Variants in CHCHD2 observed in about 807,000 individuals in gnomAD.
CHCHD2 encodes the protein coiled-coil-helix-coiled-coil-helix domain containing 2, also known as coiled-coil-helix-coiled-coil-helix domain-containing protein 2.
In CHCHD2, 17 loss-of-function variants were observed where a neutral mutation model predicts 17.5. The observed-to-expected ratio is 0.97, with a 90% CI of 0.67 to 1.46. The LOEUF (loss-of-function observed/expected upper bound fraction) is 1.46, where lower values mean the gene tolerates loss of function less well. Ranked by LOEUF, CHCHD2 falls within the 40% of genes most tolerant of loss-of-function variation. The pLI is 0.00. For synonymous variants in CHCHD2, 63 were observed against 74.3 expected (o/e 0.85, Z 0.78); for missense variants, 175 against 199.9 (o/e 0.88, Z 0.75).
intron 2 of CHCHD2, among the ~76,000 whole-genome samples, chr7:56,103,213 C>T (rs761545373): frequency 6.6e-6 from 1 of 152,174 alleles, no homozygotes; most frequent in Non-Finnish European, 1.5e-5. Flanking sequence ...AACATGGTGG[C>T]TCACGCCTGT....
chr7:56,102,337 A>T (rs1785299813), intron 3 of CHCHD2, among the ~76,000 whole-genome samples: 2 of 146,410 alleles, frequency 1.4e-5, no homozygotes, highest in South Asian at 2.2e-4. Flanking sequence ...TGGCATACTG[A>T]TTTATACCTT....
rs750014782 is a variant in CHCHD2 at position 56,104,221 on chromosome 7, C to T, written c.300+5G>A. 7.4e-6 allele frequency: 12 copies of T among 1,611,722 alleles called. No homozygotes were observed. The East Asian group carries it at 2.5e-4, about 33-fold the overall frequency. On this transcript the variant is annotated splice_donor_5th_base_variant and intron_variant, in intron 2 of 3. Transcript: ENST00000395422. Reference sequence around the variant, plus strand: ...ATGGAAGGGAAATGCTGCCTAAATTCCCACCTGGTAAGTGATGTCAGGCCT... The same window carrying T: ...ATGGAAGGGAAATGCTGCCTAAATTTCCACCTGGTAAGTGATGTCAGGCCT...
Position 56,106,382 on chromosome 7 carries a change from C to A in CHCHD2, c.32G>T (p.Arg11Leu), listed in dbSNP as rs373956381. ...GTCTCACCTGGCCGGAGGGGCCATG[C>A]GGGAGGTGCGGCTTCGGCTTCCACG... MPRGSRSRTS[R>L]MAPPASRAPQ... The change falls in exon 1 of 4, where the codon CGC (arginine) becomes CTC (leucine). Residue 11 changes from arginine (R) to leucine (L), a missense_variant. By Grantham distance (102) the Arg-to-Leu change is moderately radical. Transcript: ENST00000395422. The A allele has an allele frequency of 9.3e-6, 15 of 1,613,274 alleles. No individual in the cohort carries two copies. The African/African-American group carries it at 1.5e-4, about 16-fold the overall frequency.
Position 56,104,267 on chromosome 7 carries a change from C to G in CHCHD2, c.259G>C (p.Gly87Arg). 6.2e-7 allele frequency: 1 copy of G among 1,613,762 alleles called. No individual in the cohort carries two copies. Among genetic ancestry groups the G allele is most frequent in the Non-Finnish European group, 8.5e-7 (1 of 1,179,668 alleles). Residue 87 changes from glycine (G) to arginine (R), a missense_variant, in exon 2 of 4, where the codon GGA (glycine) becomes CGA (arginine). Transcript: ENST00000395422. ...GHAITGGFSG[G>R]SNAEPARPDI... is the part of the protein sequence containing the mutation. ...GGCCTCGCAGGCTCAGCATTACTTC[C>G]TCCACTGAAGCCCCCAGTAATGGCG...
intron 2 of CHCHD2, among the ~76,000 whole-genome samples, 173 bp downstream of exon 2, chr7:56,104,053 T>C (rs1785335211): frequency 6.6e-6 from 1 of 152,238 alleles, no homozygotes; most frequent in Non-Finnish European, 1.5e-5. Flanking sequence ...TACTTGTTGG[T>C]GCTGGCCTAA....
rs201974351 is a variant in CHCHD2, at chr7:56,106,348, C to G, written c.50+16G>C. On this transcript the variant is annotated intron_variant, in intron 1 of 3. Transcript: ENST00000395422. The stretch of plus-strand genomic sequence containing the variant: ...GGACGGCCGCGCTTTGGTCTCAAAC[C>G]CTGCGATGGTCTCACCTGGCCGGAG... The G allele has an allele frequency of 5.0e-6, 8 of 1,612,538 alleles. No homozygotes were observed. The Admixed American group carries it at 1.0e-4, about 20-fold the overall frequency.
chr7:56,102,826 C>G (rs981607977), intron 3 of CHCHD2, 41 bp downstream of exon 3: 1 of 1,605,464 alleles, frequency 6.2e-7, no homozygotes, highest in South Asian at 1.1e-5. Context: ...CCAGGAATTC[C>G]ACTGTGAATT....
Position 56,104,408 on chromosome 7 carries a change from G to A in CHCHD2, c.118C>T (p.Pro40Ser). The change falls in exon 2 of 4, where the codon CCA (proline) becomes TCA (serine). Residue 40 changes from proline to serine, a missense_variant. By Grantham distance (74) the Pro-to-Ser change is moderately conservative (BLOSUM62 -1). Transcript: ENST00000395422. ...PVAQPPAAAP[P>S]SAVGSSAAAP... Reference sequence around the variant, plus strand: ...GCAGCAGAAGAGCCAACTGCAGATGGGGGTGCCGCTGCTGGTGGCTGAGCG... The same window carrying A: ...GCAGCAGAAGAGCCAACTGCAGATGAGGGTGCCGCTGCTGGTGGCTGAGCG... The A allele has an allele frequency of 6.2e-7, 1 of 1,610,858 alleles. No individual in the cohort carries two copies. Among genetic ancestry groups the A allele is most frequent in the Non-Finnish European group, 8.5e-7 (1 of 1,178,962 alleles).
At chr7:56,106,306 T>C (rs943140091) in intron 1 of CHCHD2, 58 bp downstream of exon 1, 2 of 1,537,818 alleles carry the variant, frequency 1.3e-6, no homozygotes, top group African/African-American at 2.8e-5. Context: ...CTCTGCGTCA[T>C]TGCCCCAGTA....
rs780978381 is a variant in CHCHD2 at position 56,106,446 on chromosome 7, G to T, written c.-33C>A. Reference sequence around the variant, plus strand: ...AAGCGACGGCTAGGCCTCCGGACGTGGGACAACCACCGAAGAGCTAAGCGA... The same window carrying T: ...AAGCGACGGCTAGGCCTCCGGACGTTGGACAACCACCGAAGAGCTAAGCGA... On this transcript the variant is annotated 5_prime_UTR_variant, in exon 1 of 4. Coordinates refer to ENST00000395422, the MANE Select transcript of CHCHD2 (RefSeq NM_016139.4). 10 of 1,611,116 alleles carry T rather than the reference G, an allele frequency of 6.2e-6. No individual in the cohort carries two copies. Among genetic ancestry groups the T allele is most frequent in the Non-Finnish European group, 8.5e-6 (10 of 1,177,702 alleles).
At chr7:56,102,706 TA>T in intron 3 of CHCHD2, 160 bp downstream of exon 3, 1 of 731,506 alleles carries the variant, frequency 1.4e-6, no homozygotes, top group Non-Finnish European at 2.2e-6. Context: ...AAATTACTCA[TA>T]AAAATGACTA....
intron 2 of CHCHD2, among the ~76,000 whole-genome samples, chr7:56,103,879 AACAC>A (rs1430497405): frequency 9.9e-5 from 15 of 152,250 alleles, no homozygotes; most frequent in Admixed American, 9.8e-4. Context: ...CACGTAAAAG[AACAC>A]ACAGCTATGC....
Position 56,104,294 on chromosome 7 carries a change from G to A in CHCHD2, c.232C>T (p.His78Tyr). Reference sequence around the variant, plus strand: ...CCACTGAAGCCCCCAGTAATGGCGTGACCCAATGTGTGCCCCACAGCAGAG... The same window carrying A: ...CCACTGAAGCCCCCAGTAATGGCGTAACCCAATGTGTGCCCCACAGCAGAG... Reference protein sequence around the residue: ...VGSAVGHTLGHAITGGFSGGS... With the variant: ...VGSAVGHTLGYAITGGFSGGS... The change falls in exon 2 of 4, where the codon CAC becomes TAC. Residue 78 changes from histidine to tyrosine, a missense_variant. By Grantham distance (83) the His-to-Tyr change is moderately conservative. Coordinates refer to ENST00000395422, the MANE Select transcript of CHCHD2 (RefSeq NM_016139.4). 6.2e-7 allele frequency: 1 copy of A among 1,613,880 alleles called. No individual in the cohort carries two copies. Among genetic ancestry groups the A allele is most frequent in the Non-Finnish European group, 8.5e-7 (1 of 1,179,784 alleles).
intron 2 of CHCHD2, among the ~76,000 whole-genome samples, chr7:56,103,997 G>C (rs1483368431): frequency 6.6e-6 from 1 of 152,176 alleles, no homozygotes; most frequent in African/African-American, 2.4e-5. Flanking sequence ...TGAGTCAAGT[G>C]GACTGTTGTA....
chr7:56,101,802 AC>A lies in CHCHD2; in HGVS notation c.*48del. 1 of 1,552,100 alleles carries A rather than the reference AC, an allele frequency of 6.4e-7. No individual in the cohort carries two copies. The highest frequency in any genetic ancestry group is 1.1e-5 in the South Asian group (1 of 88,164). ...TCAATTCTATTTTTATACTAAATTA[AC>A]TTAGTTATGAGAGCTGATTTTCCAT... On this transcript the variant is annotated 3_prime_UTR_variant, in exon 4 of 4. Coordinates refer to ENST00000395422, the MANE Select transcript of CHCHD2 (RefSeq NM_016139.4).
chr7:56,104,160 C>T (rs1785337509), intron 2 of CHCHD2, 66 bp downstream of exon 2: 1 of 1,587,126 alleles, frequency 6.3e-7, no homozygotes, highest in East Asian at 2.3e-5. Context: ...ACTTAAGGAA[C>T]TTACAAACGT....
chr7:56,104,174 G>A lies in CHCHD2; in HGVS notation c.300+52C>T. The A allele has an allele frequency of 3.1e-6, 5 of 1,598,284 alleles. 1 individual carries two copies. In the South Asian group the frequency reaches 4.4e-5, roughly 14 times the overall value. On this transcript the variant is annotated intron_variant, in intron 2 of 3. Transcript: ENST00000395422. The stretch of plus-strand genomic sequence containing the variant: ...CACTTAAGGAACTTACAAACGTCTG[G>A]CTTTTCTCATAAAATCCACCCATGG...
At chr7:56,105,839 T>C (rs1423474995) in intron 1 of CHCHD2, among the ~76,000 whole-genome samples, 1 of 152,134 alleles carries the variant, frequency 6.6e-6, no homozygotes, top group Admixed American at 6.6e-5. Flanking sequence ...ACTGGGGAAA[T>C]AATCTAGTCC....
At chr7:56,106,234 C>G (rs1205298892) in intron 1 of CHCHD2, 130 bp downstream of exon 1, 10 of 764,032 alleles carry the variant, frequency 1.3e-5, no homozygotes, top group East Asian at 5.9e-5. Flanking sequence ...CAATCTACCC[C>G]CGCCTGGCAG....
Sources: gnomAD v4.1 joint callset for allele counts (sites outside exome capture counted in the v4.1 genomes callset) on GRCh38, gnomAD v4.1.1 for gene constraint, MANE v1.5 for transcripts, NCBI Gene and HGNC (gene_info 2026-07-23, HGNC 2026-07-21) for gene names.